Variants in PTPN2 observed in about 807,000 individuals in gnomAD.
The protein encoded by PTPN2 is protein tyrosine phosphatase non-receptor type 2, also known as tyrosine-protein phosphatase non-receptor type 2.
PTPN2 carries 19 observed loss-of-function variants against 57.3 expected under a neutral mutation model. That is an observed-to-expected ratio of 0.33 (90% CI 0.23 to 0.49). The LOEUF is 0.49. Ranked by LOEUF, PTPN2 falls within the 20% of genes least tolerant of loss-of-function variation. PTPN2 has a pLI of 0.99. For synonymous variants in PTPN2, 153 were observed against 164.9 expected, an observed-to-expected ratio of 0.93 and a Z score of 0.55; for missense variants, 358 against 501.1, an observed-to-expected ratio of 0.71 and a Z score of 2.73.
At chr18:12,834,964 CAT>C (rs933839758) in intron 3 of PTPN2, among the ~76,000 whole-genome samples, 4 of 152,110 alleles carry the variant, frequency 2.6e-5, no homozygotes, top group African/African-American at 9.7e-5. Flanking sequence ...AAAATCCACA[CAT>C]GTCCAAGCCC....
At chr18:12,824,298 A>C (rs2042371700) in intron 5 of PTPN2, among the ~76,000 whole-genome samples, 1 of 152,210 alleles carries the variant, frequency 6.6e-6, no homozygotes, top group Non-Finnish European at 1.5e-5. Context: ...TACGGATGTC[A>C]CGGGAAGCTG....
chr18:12,848,915 C>A (rs1447138818), intron 2 of PTPN2, among the ~76,000 whole-genome samples: 1 of 152,184 alleles, frequency 6.6e-6, no homozygotes. Context: ...GATTAAAAGA[C>A]AGTTAATTTA....
chr18:12,831,031 G>C lies in PTPN2; in HGVS notation c.272C>G (p.Pro91Arg). ...AAGCCAGAAATGGCAGCATGTGTTAGGAAGTGGACCCTGTGAAGAGAGAGG... is the reference window on the plus strand; with the variant it reads ...AAGCCAGAAATGGCAGCATGTGTTACGAAGTGGACCCTGTGAAGAGAGAGG... ...RSYILTQGPL[P>R]NTCCHFWLMV... Residue 91 changes from proline to arginine, a missense_variant, in exon 4 of 9, where the codon CCT becomes CGT. Pro to Arg is a moderately radical substitution (Grantham distance 103). Transcript: ENST00000309660. 6.2e-7 allele frequency: 1 copy of C among 1,604,150 alleles called. No individual in the cohort carries two copies. The highest frequency in any genetic ancestry group is 1.7e-5 in the Admixed American group (1 of 59,964).
Position 12,884,232 on chromosome 18 carries a change from G to T in PTPN2, c.-91C>A. ...CCGGGGAGAGCGCTGGCGCTGCGGC[G>T]CATGCGCGCTGCGCGCCGCGCCCCG... On this transcript the variant is annotated 5_prime_UTR_variant, in exon 1 of 9. Coordinates refer to ENST00000309660, the MANE Select transcript of PTPN2 (RefSeq NM_002828.4). The T allele has an allele frequency of 1.0e-6, 1 of 977,338 alleles. No individual in the cohort carries two copies. The highest frequency in any genetic ancestry group is 1.4e-6 in the Non-Finnish European group (1 of 721,314). The allele number at this position is 977,338 out of a possible 1,614,324, so 60.5% of individuals were successfully genotyped here.
In PTPN2 at chr18:12,849,582, A is replaced by T. The variant is rs112009563; in HGVS notation, c.160+9582T>A. ...CTCAAAAAATAAATAAATAAAAAAT[A>T]AAAAAGGTATTCTAATGTTAGCTAC... On this transcript the variant is annotated intron_variant, in intron 2 of 8. Transcript: ENST00000309660. Among the ~76,000 whole-genome samples, 989 of 152,320 alleles carry T rather than the reference A, an allele frequency of 6.5e-3. 10 individuals are homozygous for T. Among genetic ancestry groups the T allele is most frequent in the African/African-American group, 0.023 (943 of 41,570 alleles).
chr18:12,790,845 A>G (rs1223311021), downstream of PTPN2, among the ~76,000 whole-genome samples: 1 of 152,182 alleles, frequency 6.6e-6, no homozygotes, highest in African/African-American at 2.4e-5. Context: ...AAAATGATTA[A>G]CACATTTTTT....
chr18:12,830,071 T>TG (rs2042614733), intron 4 of PTPN2, among the ~76,000 whole-genome samples: 1 of 152,058 alleles, frequency 6.6e-6, no homozygotes, highest in Non-Finnish European at 1.5e-5. Flanking sequence ...TCTACAATGG[T>TG]GCTCAAACTG....
At chr18:12,790,411 A>G (rs1437300000), downstream of PTPN2, among the ~76,000 whole-genome samples, 4 of 152,168 alleles carry the variant, frequency 2.6e-5, no homozygotes, top group Non-Finnish European at 5.9e-5. Flanking sequence ...AGTCAGGGAT[A>G]TTTTTTCTCA....
At chr18:12,847,172 A>G (rs1317539736) in intron 2 of PTPN2, among the ~76,000 whole-genome samples, 1 of 152,218 alleles carries the variant, frequency 6.6e-6, no homozygotes, top group African/African-American at 2.4e-5. Flanking sequence ...GAAATAGACC[A>G]AAGTAATCTA....
At chr18:12,806,834 T>C (rs1342988959) in intron 7 of PTPN2, among the ~76,000 whole-genome samples, 3 of 151,888 alleles carry the variant, frequency 2.0e-5, no homozygotes, top group Non-Finnish European at 4.4e-5. Context: ...CCCAAACAAA[T>C]ATACATACTA....
chr18:12,793,879 C>A lies in PTPN2; in HGVS notation c.*399G>T. 1 of 1,048,824 alleles carries A rather than the reference C, an allele frequency of 9.5e-7. No homozygotes were observed. The allele number at this position is 1,048,824 out of a possible 1,614,324, so 65.0% of individuals were successfully genotyped here. On this transcript the variant is annotated 3_prime_UTR_variant, in exon 9 of 9. Transcript: ENST00000309660. ...CATTATTTAAATGTCATTTTCTTTC[C>A]AATAACGTAGATAAAACCACAATAT...
chr18:12,796,751 T>C (rs1475981387), intron 8 of PTPN2, among the ~76,000 whole-genome samples: 2 of 152,326 alleles, frequency 1.3e-5, no homozygotes, highest in Admixed American at 6.5e-5. Flanking sequence ...CCCACTAAAA[T>C]AGAAACCTTC....
intron 4 of PTPN2, among the ~76,000 whole-genome samples, chr18:12,826,554 A>G (rs997698262): frequency 1.3e-5 from 2 of 152,024 alleles, no homozygotes; most frequent in African/African-American, 4.8e-5. Flanking sequence ...GCACTGATCC[A>G]TTTTCTGTCT....
At chr18:12,823,965 A>C (rs940373706) in intron 5 of PTPN2, among the ~76,000 whole-genome samples, 2 of 152,198 alleles carry the variant, frequency 1.3e-5, no homozygotes, top group African/African-American at 4.8e-5. Context: ...AAACAGGGAA[A>C]CACATCTATG....
chr18:12,816,778 T>C (rs2042091029), intron 6 of PTPN2, among the ~76,000 whole-genome samples: 1 of 152,226 alleles, frequency 6.6e-6, no homozygotes, highest in Admixed American at 6.5e-5. Context: ...GTGAAGTATG[T>C]CTATCATTAT....
intron 8 of PTPN2, among the ~76,000 whole-genome samples, chr18:12,798,814 G>A (rs1396618026): frequency 2.0e-5 from 3 of 152,086 alleles, no homozygotes; most frequent in Non-Finnish European, 4.4e-5. Context: ...CTGTTTTTAG[G>A]TCTTTGAGGA....
downstream of PTPN2, chr18:12,792,145 A>AG: frequency 1.2e-6 from 1 of 816,310 alleles, no homozygotes; most frequent in Middle Eastern, 6.3e-4. Context: ...ATCAGGACAC[A>AG]GGCACATGTT....
chr18:12,826,402 CG>C (rs543779205), intron 4 of PTPN2, among the ~76,000 whole-genome samples: 40 of 152,156 alleles, frequency 2.6e-4, no homozygotes, highest in Non-Finnish European at 4.6e-4. Context: ...GACTCCATCT[CG>C]GGGAGCAGGG....
At chr18:12,801,893 A>G in intron 8 of PTPN2, 77 bp downstream of exon 8, 1 of 1,306,378 alleles carries the variant, frequency 7.7e-7, no homozygotes, top group Non-Finnish European at 1.1e-6. Flanking sequence ...CTGAAATCCT[A>G]TGGCACCTGG....
Sources: gnomAD v4.1 joint callset for allele counts (sites outside exome capture counted in the v4.1 genomes callset) on GRCh38, gnomAD v4.1.1 for gene constraint, MANE v1.5 for transcripts, NCBI Gene and HGNC (gene_info 2026-07-23, HGNC 2026-07-21) for gene names.